TNKS: variants seen among roughly 807,000 people sequenced by gnomAD.
TNKS encodes poly [ADP-ribose] polymerase tankyrase-1.
TNKS carries 72 observed loss-of-function variants against 135.8 expected under a neutral mutation model. That is an observed-to-expected ratio of 0.53 (90% CI 0.44 to 0.64). The LOEUF (loss-of-function observed/expected upper bound fraction) is 0.64, where lower values mean the gene tolerates loss of function less well. Among genes scored for constraint, TNKS ranks in the 30% least tolerant of loss-of-function variants. The pLI is 0.00. For synonymous variants in TNKS, 849 were observed against 649.3 expected (o/e 1.31, Z -4.68); for missense variants, 1,769 against 1,674.0 (o/e 1.06, Z -0.99).
In TNKS at chr8:9,679,906, G is replaced by A. The variant is rs750833732; in HGVS notation, c.995-45G>A. 3 of 1,534,922 alleles carry A rather than the reference G, an allele frequency of 2.0e-6. No homozygotes were observed. In the South Asian group the frequency reaches 3.4e-5, roughly 17 times the overall value. On this transcript the variant is annotated intron_variant, in intron 3 of 26. Transcript: ENST00000310430. ...TGCTGCCTACTGCATTTCTTAATCTGTCTTCTGCCAAATGCTAACAGCATG... is the reference window on the plus strand; with the variant it reads ...TGCTGCCTACTGCATTTCTTAATCTATCTTCTGCCAAATGCTAACAGCATG...
intron 3 of TNKS, among the ~76,000 whole-genome samples, chr8:9,669,404 G>C (rs553470492): frequency 1.0e-3 from 142 of 137,008 alleles, no homozygotes; most frequent in African/African-American, 3.8e-3. Context: ...CGGCCTGCGC[G>C]ACAGAGCGAG....
At chr8:9,681,962 T>C (rs546094609) in intron 5 of TNKS, among the ~76,000 whole-genome samples, 55 of 152,270 alleles carry the variant, frequency 3.6e-4, no homozygotes, top group African/African-American at 1.2e-3. Flanking sequence ...TCTACTTTCA[T>C]AGAAGGTTAA....
At chr8:9,598,739 G>GTCTGTT (rs1563105965) in intron 2 of TNKS, among the ~76,000 whole-genome samples, 1 of 121,124 alleles carries the variant, frequency 8.3e-6, no homozygotes, top group Non-Finnish European at 1.7e-5. Context: ...GTGTGTCTGT[G>GTCTGTT]TGTGTATATA....
intron 25 of TNKS, among the ~76,000 whole-genome samples, chr8:9,767,786 C>T (rs898308783): frequency 1.4e-4 from 21 of 151,954 alleles, no homozygotes; most frequent in East Asian, 1.9e-4. Flanking sequence ...GGTGCAACCC[C>T]GTCTCTACTA....
chr8:9,722,549 G>T (rs1231282384), intron 12 of TNKS: 3 of 86,998 alleles, frequency 3.4e-5, no homozygotes, highest in African/African-American at 1.4e-4. Flanking sequence ...TTTCAAGCTT[G>T]AACTCAAAAA....
At chr8:9,581,322 C>T (rs1356154497) in intron 2 of TNKS, among the ~76,000 whole-genome samples, 1 of 152,088 alleles carries the variant, frequency 6.6e-6, no homozygotes, top group African/African-American at 2.4e-5. Flanking sequence ...TTAAAAAAAT[C>T]ACATTTTCTG....
chr8:9,567,611 G>T (rs1014017237), intron 1 of TNKS, among the ~76,000 whole-genome samples: 5 of 152,152 alleles, frequency 3.3e-5, no homozygotes, highest in Non-Finnish European at 5.9e-5. Context: ...TAGAGACGGG[G>T]TTTCACCGTG....
intron 1 of TNKS, 137 bp downstream of exon 1, chr8:9,556,749 A>G: frequency 2.5e-6 from 2 of 813,562 alleles, no homozygotes; most frequent in South Asian, 2.0e-5. Context: ...AGAAGACTGG[A>G]GGTTCCTTTC....
rs1807399221 is a variant in TNKS at position 9,765,704 on chromosome 8, G to T, written c.3460G>T (p.Val1154Phe). ...TTCATCCTTAAAGATTCAAAAAGTT[G>T]TCAACAAGAAGTTGAGGGAGCGGTT... is the stretch of plus-strand genomic sequence containing the variant. ...RYNVIRIQKV[V>F]NKKLRERFCH... Residue 1154 changes from valine to phenylalanine, a missense_variant, in exon 24 of 27, where the codon GTC (valine) becomes TTC (phenylalanine). Coordinates refer to ENST00000310430, the MANE Select transcript of TNKS (RefSeq NM_003747.3). 2 of 1,613,586 alleles carry T rather than the reference G, an allele frequency of 1.2e-6. No individual in the cohort carries two copies. The highest frequency in any genetic ancestry group is 1.7e-6 in the Non-Finnish European group (2 of 1,179,616).
intron 2 of TNKS, among the ~76,000 whole-genome samples, chr8:9,598,292 C>T (rs1369462950): frequency 6.6e-6 from 1 of 152,028 alleles, no homozygotes; most frequent in Non-Finnish European, 1.5e-5. Flanking sequence ...CGTGATCCGC[C>T]TGCCTCGGCG....
At chr8:9,607,738 G>T (rs546551532) in intron 2 of TNKS, among the ~76,000 whole-genome samples, 6 of 152,172 alleles carry the variant, frequency 3.9e-5, no homozygotes, top group Admixed American at 6.5e-5. Flanking sequence ...CTATGAATTT[G>T]GGAGCCCTTT....
chr8:9,627,457 G>A (rs1319174717), intron 3 of TNKS, among the ~76,000 whole-genome samples: 2 of 152,136 alleles, frequency 1.3e-5, no homozygotes, highest in Admixed American at 1.3e-4. Flanking sequence ...GTGGGACTGA[G>A]CCCTCAACTT....
intron 1 of TNKS, among the ~76,000 whole-genome samples, chr8:9,561,172 C>G (rs538957937): frequency 1.3e-5 from 2 of 152,270 alleles, no homozygotes; most frequent in African/African-American, 4.8e-5. Flanking sequence ...ATCTGTGCAG[C>G]TTCTCCAAAT....
chr8:9,576,228 T>C lies in TNKS; in HGVS notation c.674-3931T>C, dbSNP rs539878496. Reference sequence around the variant, plus strand: ...CGAGCAAAATTGAGTCTGAGCAAAATTGAGTCTTTCTGTTGGCCAGTGTAT... The same window carrying C: ...CGAGCAAAATTGAGTCTGAGCAAAACTGAGTCTTTCTGTTGGCCAGTGTAT... On this transcript the variant is annotated intron_variant, in intron 1 of 26. Transcript: ENST00000310430. Among the ~76,000 whole-genome samples, 11 of 152,286 alleles carry C rather than the reference T, an allele frequency of 7.2e-5. 1 individual carries two copies. In the South Asian group the frequency reaches 1.9e-3, roughly 26 times the overall value.
At chr8:9,641,756 A>T (rs1800739983) in intron 3 of TNKS, among the ~76,000 whole-genome samples, 1 of 145,316 alleles carries the variant, frequency 6.9e-6, no homozygotes, top group East Asian at 2.1e-4. Flanking sequence ...AGTTATGATG[A>T]TATATTATGT....
At chr8:9,631,600 G>A (rs1010126898) in intron 3 of TNKS, among the ~76,000 whole-genome samples, 18 of 152,076 alleles carry the variant, frequency 1.2e-4, no homozygotes, top group Admixed American at 1.1e-3. Flanking sequence ...AGAATATAGG[G>A]AGATCATCTC....
chr8:9,600,801 A>G (rs1411117294), intron 2 of TNKS, among the ~76,000 whole-genome samples: 1 of 152,214 alleles, frequency 6.6e-6, no homozygotes, highest in Non-Finnish European at 1.5e-5. Flanking sequence ...AAAGACTTTC[A>G]TATATGAAAG....
intron 11 of TNKS, among the ~76,000 whole-genome samples, chr8:9,716,433 T>C (rs1246968787): frequency 6.6e-6 from 1 of 152,168 alleles, no homozygotes; most frequent in Non-Finnish European, 1.5e-5. Context: ...AGAGACATTT[T>C]AGTTCTCAGT....
At chr8:9,625,306 CCTT>C (rs1217604997) in intron 3 of TNKS, among the ~76,000 whole-genome samples, 2 of 151,652 alleles carry the variant, frequency 1.3e-5, no homozygotes, top group Non-Finnish European at 2.9e-5. Flanking sequence ...TGTGTTTTCT[CCTT>C]TTCTTTGTCA....
Sources: gnomAD v4.1 joint callset for allele counts (sites outside exome capture counted in the v4.1 genomes callset) on GRCh38, gnomAD v4.1.1 for gene constraint, MANE v1.5 for transcripts, NCBI Gene and HGNC (gene_info 2026-07-23, HGNC 2026-07-21) for gene names.